MLLT10: variants seen among roughly 807,000 people sequenced by gnomAD.
MLLT10 encodes the protein MLLT10 histone lysine methyltransferase DOT1L cofactor, also known as protein AF-10.
Under a neutral mutation model 129.1 loss-of-function variants are expected in MLLT10, and 30 were observed. The ratio of observed to expected loss-of-function variants is 0.23; its 90% CI spans 0.17 to 0.32. MLLT10 has a LOEUF of 0.32. MLLT10 is among the 10% of genes least tolerant of loss of function. The pLI is 1.00. For synonymous variants in MLLT10, 490 were observed against 446.4 expected (o/e 1.10, Z -1.23); for missense variants, 1,119 against 1,268.3 (o/e 0.88, Z 1.79).
chr10:21,636,995 T>G lies in MLLT10; in HGVS notation c.700-14678T>G, dbSNP rs903910094. Among the ~76,000 whole-genome samples, 6 of 152,278 alleles carry G rather than the reference T, an allele frequency of 3.9e-5. 1 individual carries two copies. In the South Asian group the frequency reaches 1.2e-3, roughly 32 times the overall value. On this transcript the variant is annotated intron_variant, in intron 8 of 22. Transcript: ENST00000307729. Reference sequence around the variant, plus strand: ...TTTTTTCTTCCTTCCTCATAAGGCCTTAGTGGGTGTGGCGTTCAGTTTCAG... The same window carrying G: ...TTTTTTCTTCCTTCCTCATAAGGCCGTAGTGGGTGTGGCGTTCAGTTTCAG...
intron 13 of MLLT10, among the ~76,000 whole-genome samples, chr10:21,711,351 G>A (rs1010186744): frequency 6.6e-6 from 1 of 151,896 alleles, no homozygotes; most frequent in African/African-American, 2.4e-5. Flanking sequence ...TGAACCCGCG[G>A]GTAGAGGTTA....
chr10:21,576,593 A>G (rs996707281), intron 3 of MLLT10, among the ~76,000 whole-genome samples: 7 of 149,088 alleles, frequency 4.7e-5, no homozygotes, highest in African/African-American at 1.7e-4. Context: ...TTTCTTACAG[A>G]CACCTTGTGT....
intron 3 of MLLT10, among the ~76,000 whole-genome samples, chr10:21,561,856 A>C (rs1373940410): frequency 6.6e-6 from 1 of 151,282 alleles, no homozygotes; most frequent in African/African-American, 2.4e-5. Flanking sequence ...CCCAGGCTGG[A>C]GTGTAGTGGC....
intron 3 of MLLT10, among the ~76,000 whole-genome samples, chr10:21,583,680 A>C (rs1466362331): frequency 2.0e-5 from 3 of 152,080 alleles, no homozygotes; most frequent in Non-Finnish European, 2.9e-5. Context: ...GGCTCTTTTT[A>C]CCAATCAGAT....
At chr10:21,662,101 T>TA (rs1163942468) in intron 9 of MLLT10, among the ~76,000 whole-genome samples, 1 of 152,174 alleles carries the variant, frequency 6.6e-6, no homozygotes, top group African/African-American at 2.4e-5. Context: ...ATATCATTCT[T>TA]ACACTTAGTG....
At chr10:21,605,393 A>G (rs979091854) in intron 5 of MLLT10, among the ~76,000 whole-genome samples, 8 of 152,172 alleles carry the variant, frequency 5.3e-5, no homozygotes, top group African/African-American at 1.9e-4. Context: ...GATACCATCT[A>G]TAGATACTTT....
intron 8 of MLLT10, among the ~76,000 whole-genome samples, chr10:21,628,740 CTTTTTTTT>C (rs1161362725): frequency 5.0e-5 from 5 of 99,362 alleles, no homozygotes; most frequent in Non-Finnish European, 2.0e-5. Flanking sequence ...TGTGCCCTGC[CTTTTTTTT>C]TTTTTTTTTT....
Position 21,727,923 on chromosome 10 carries a change from G to A in MLLT10, c.2058G>A (p.Ser686=), listed in dbSNP as rs143581186. ...GRGSSPRGSL[S]PRSPVSSLQI... is the part of the protein sequence containing the mutation. ...GAAGCTCACCCCGAGGAAGTCTCTC[G>A]CCACGGTAAGCGCTATTTACACTGC... Residue 686 remains serine, a synonymous_variant, in exon 16 of 23, where the codon TCG becomes TCA. Coordinates refer to ENST00000307729, the MANE Select transcript of MLLT10 (RefSeq NM_001195626.3). 33 of 1,613,808 alleles carry A rather than the reference G, an allele frequency of 2.0e-5. No homozygotes were observed. The East Asian group carries it at 2.7e-4, about 13-fold the overall frequency.
chr10:21,677,525 C>G (rs758369400), intron 11 of MLLT10, among the ~76,000 whole-genome samples: 1 of 152,142 alleles, frequency 6.6e-6, no homozygotes, highest in Non-Finnish European at 1.5e-5. Context: ...TTAAATCATT[C>G]TTTTCTAGAT....
chr10:21,546,871 G>T (rs2130928594), intron 3 of MLLT10, among the ~76,000 whole-genome samples: 1 of 152,230 alleles, frequency 6.6e-6, no homozygotes, highest in East Asian at 1.9e-4. Flanking sequence ...GGGATTACAG[G>T]CATGCGCCAC....
intron 3 of MLLT10, among the ~76,000 whole-genome samples, chr10:21,567,833 T>G (rs2039761285): frequency 6.6e-6 from 1 of 151,460 alleles, no homozygotes; most frequent in Admixed American, 6.6e-5. Flanking sequence ...TTTTTTTTTT[T>G]TTTTGAGACA....
intron 5 of MLLT10, among the ~76,000 whole-genome samples, chr10:21,610,650 AT>A (rs1041201582): frequency 2.0e-5 from 3 of 149,444 alleles, no homozygotes; most frequent in African/African-American, 4.9e-5. Context: ...AAATTATCAT[AT>A]TTTTAAGTTT....
At chr10:21,727,782 A>G in intron 15 of MLLT10, 74 bp from the exon 16 acceptor site, 1 of 1,166,040 alleles carries the variant, frequency 8.6e-7, no homozygotes, top group Non-Finnish European at 1.3e-6. Flanking sequence ...GTTTTAGGAA[A>G]AATCAGGGCA....
Position 21,614,819 on chromosome 10 carries a change from T to C in MLLT10, c.510-12T>C. On this transcript the variant is annotated splice_polypyrimidine_tract_variant and intron_variant, in intron 6 of 22. Coordinates refer to ENST00000307729, the MANE Select transcript of MLLT10 (RefSeq NM_001195626.3). ...TAGTATATCAATAAATATACTTGGC[T>C]TTTATTTTCAGCGCTCAGTTTGCCG... is the stretch of plus-strand genomic sequence containing the variant. 1 of 1,606,876 alleles carries C rather than the reference T, an allele frequency of 6.2e-7. No individual in the cohort carries two copies. The highest frequency in any genetic ancestry group is 8.5e-7 in the Non-Finnish European group (1 of 1,177,738).
intron 8 of MLLT10, among the ~76,000 whole-genome samples, chr10:21,621,785 G>A (rs1287843433): frequency 2.0e-5 from 3 of 152,158 alleles, no homozygotes; most frequent in Admixed American, 6.5e-5. Flanking sequence ...ATGAATGTGG[G>A]TCCCTCTTCT....
chr10:21,555,564 ACTTT>A (rs1345729982), intron 3 of MLLT10, among the ~76,000 whole-genome samples: 1 of 151,458 alleles, frequency 6.6e-6, no homozygotes, highest in African/African-American at 2.4e-5. Flanking sequence ...CAGTTACGAA[ACTTT>A]CTTCTGCTCC....
rs767177805 is a variant in MLLT10 at position 21,673,467 on chromosome 10, C to T, written c.1169C>T (p.Ser390Phe). Residue 390 changes from serine to phenylalanine, a missense_variant, in exon 11 of 23, where the codon TCC (serine) becomes TTC (phenylalanine). Ser to Phe is a radical substitution (Grantham distance 155, BLOSUM62 -2). Coordinates refer to ENST00000307729, the MANE Select transcript of MLLT10 (RefSeq NM_001195626.3). ...SDLRNDSYSHSQQSSATKDVH... is the reference protein window; with the variant it reads ...SDLRNDSYSHFQQSSATKDVH... The stretch of plus-strand genomic sequence containing the variant: ...CTGCGTAATGACAGTTACTCTCACT[C>T]CCAACAGTCATCAGCAACCAAAGAT... The T allele has an allele frequency of 5.6e-6, 9 of 1,613,854 alleles. No individual in the cohort carries two copies. Among genetic ancestry groups the T allele is most frequent in the Non-Finnish European group, 5.9e-6 (7 of 1,179,958 alleles).
intron 5 of MLLT10, among the ~76,000 whole-genome samples, chr10:21,599,168 A>G (rs2043281962): frequency 1.5e-5 from 2 of 133,100 alleles, no homozygotes; most frequent in Admixed American, 7.7e-5. Context: ...ACAGAGTGAG[A>G]CTCCATCTCA....
intron 3 of MLLT10, among the ~76,000 whole-genome samples, chr10:21,565,945 CTTTTT>C (rs1204388391): frequency 1.5e-4 from 12 of 79,384 alleles, no homozygotes; most frequent in South Asian, 4.7e-4. Context: ...CAATCTTTGG[CTTTTT>C]TTTTTTTTTT....
Sources: gnomAD v4.1 joint callset for allele counts (sites outside exome capture counted in the v4.1 genomes callset) on GRCh38, gnomAD v4.1.1 for gene constraint, MANE v1.5 for transcripts, NCBI Gene and HGNC (gene_info 2026-07-23, HGNC 2026-07-21) for gene names.